Variants in CLSTN2 observed in about 807,000 individuals in gnomAD.
CLSTN2 encodes calsyntenin-2.
CLSTN2 carries 48 observed loss-of-function variants against 101.2 expected under a neutral mutation model. That is an observed-to-expected ratio of 0.47 (90% CI 0.38 to 0.60). The LOEUF (loss-of-function observed/expected upper bound fraction) is 0.60, where lower values mean the gene tolerates loss of function less well. Ranked by LOEUF, CLSTN2 falls within the 20% of genes least tolerant of loss-of-function variation. The pLI, the probability that CLSTN2 is intolerant of heterozygous loss-of-function variation, is 0.00. For missense variants in CLSTN2, 1,160 were observed against 1,238.2 expected, an observed-to-expected ratio of 0.94 and a Z score of 0.95; for synonymous variants, 481 against 463.6, an observed-to-expected ratio of 1.04 and a Z score of -0.48.
At chr3:140,396,245 T>C (rs1228425918) in intron 2 of CLSTN2, among the ~76,000 whole-genome samples, 1 of 152,164 alleles carries the variant, frequency 6.6e-6, no homozygotes, top group East Asian at 1.9e-4. Flanking sequence ...TCGATGAGAT[T>C]ATGAAAATGT....
intron 4 of CLSTN2, among the ~76,000 whole-genome samples, chr3:140,412,684 A>G (rs1245290303): frequency 6.6e-6 from 1 of 152,234 alleles, no homozygotes; most frequent in African/African-American, 2.4e-5. Flanking sequence ...GATTTAAATC[A>G]TATAAAATTT....
At chr3:140,195,861 C>T (rs1479647445) in intron 2 of CLSTN2, among the ~76,000 whole-genome samples, 1 of 152,110 alleles carries the variant, frequency 6.6e-6, no homozygotes, top group Non-Finnish European at 1.5e-5. Context: ...TTTTCCTATC[C>T]CACATTCATT....
chr3:140,524,820 A>C (rs1216574488), intron 8 of CLSTN2, among the ~76,000 whole-genome samples: 2 of 152,224 alleles, frequency 1.3e-5, no homozygotes, highest in East Asian at 3.8e-4. Flanking sequence ...AAACATGGAA[A>C]TTAAACAACT....
At chr3:140,145,141 C>T (rs190182707) in intron 1 of CLSTN2, among the ~76,000 whole-genome samples, 1 of 152,330 alleles carries the variant, frequency 6.6e-6, no homozygotes, top group African/African-American at 2.4e-5. Flanking sequence ...AGCACAACAC[C>T]TGACCTATGG....
chr3:140,478,849 A>C (rs544571249), intron 8 of CLSTN2, among the ~76,000 whole-genome samples: 1 of 140,524 alleles, frequency 7.1e-6, no homozygotes, highest in African/African-American at 2.6e-5. Context: ...AGAGAGGAAG[A>C]AAGGAAGGAA....
chr3:140,420,856 A>G (rs535943213), intron 4 of CLSTN2, among the ~76,000 whole-genome samples: 3 of 152,124 alleles, frequency 2.0e-5, no homozygotes, highest in East Asian at 1.9e-4. Flanking sequence ...AACACAAGCC[A>G]GCTGGATTCC....
At chr3:140,089,971 C>CTT (rs58418539) in intron 1 of CLSTN2, among the ~76,000 whole-genome samples, 517 of 49,672 alleles carry the variant, frequency 0.01, 77 homozygotes, top group Non-Finnish European at 0.016. Flanking sequence ...CTAGGATTGG[C>CTT]TTTTTTTTTT....
At chr3:140,351,138 T>C (rs1193810196) in intron 2 of CLSTN2, among the ~76,000 whole-genome samples, 1 of 152,002 alleles carries the variant, frequency 6.6e-6, no homozygotes, top group Non-Finnish European at 1.5e-5. Flanking sequence ...AGTATTGAAG[T>C]GTGATTTAAA....
intron 1 of CLSTN2, among the ~76,000 whole-genome samples, chr3:140,108,243 C>G (rs897261491): frequency 1.3e-5 from 2 of 152,290 alleles, no homozygotes; most frequent in Admixed American, 6.5e-5. Flanking sequence ...ACTTGCATGG[C>G]TGAAATTGAA....
At chr3:140,365,588 G>A (rs553517312) in intron 2 of CLSTN2, among the ~76,000 whole-genome samples, 5 of 152,030 alleles carry the variant, frequency 3.3e-5, no homozygotes, top group Admixed American at 1.3e-4. Context: ...TGTGATCATC[G>A]GGGAAACTAA....
intron 1 of CLSTN2, among the ~76,000 whole-genome samples, chr3:140,028,385 A>C (rs527368750): frequency 7.2e-5 from 11 of 152,176 alleles, no homozygotes; most frequent in African/African-American, 1.4e-4. Flanking sequence ...CTGTCCCTTC[A>C]CAGATACTCC....
intron 2 of CLSTN2, among the ~76,000 whole-genome samples, chr3:140,240,174 C>CTCTCTCTCTCTCTCTCTATATATA: frequency 7.5e-5 from 1 of 13,354 alleles, no homozygotes; most frequent in South Asian, 4.4e-3. Flanking sequence ...CTCTCTCTCT[C>CTCTCTCTCTCTCTCTCTATATATA]TATATATATA....
At chr3:140,476,308 C>G (rs1486267592) in intron 8 of CLSTN2, among the ~76,000 whole-genome samples, 1 of 152,176 alleles carries the variant, frequency 6.6e-6, no homozygotes, top group African/African-American at 2.4e-5. Flanking sequence ...GAACTTGGAA[C>G]CAGCATTTTT....
chr3:140,482,648 A>C (rs1934145909), intron 8 of CLSTN2, among the ~76,000 whole-genome samples: 1 of 152,144 alleles, frequency 6.6e-6, no homozygotes, highest in Admixed American at 6.5e-5. Flanking sequence ...CAGAGATTCA[A>C]ATTCTTCCTG....
chr3:140,487,760 T>C (rs1934268465), intron 8 of CLSTN2, among the ~76,000 whole-genome samples: 1 of 152,238 alleles, frequency 6.6e-6, no homozygotes, highest in Admixed American at 6.5e-5. Context: ...AGCTTAGTAA[T>C]AGCCCTGTCA....
At chr3:140,023,642 C>A (rs2007362211) in intron 1 of CLSTN2, among the ~76,000 whole-genome samples, 1 of 152,196 alleles carries the variant, frequency 6.6e-6, no homozygotes, top group South Asian at 2.1e-4. Context: ...CCCCAGCACA[C>A]TGGGGCACCT....
At chr3:139,960,854 C>T (rs180684144) in intron 1 of CLSTN2, among the ~76,000 whole-genome samples, 18 of 152,198 alleles carry the variant, frequency 1.2e-4, no homozygotes, top group East Asian at 7.7e-4. Flanking sequence ...CAAAGACTCT[C>T]GTGAAACACA....
At chr3:140,153,737 G>A (rs897763891) in intron 1 of CLSTN2, among the ~76,000 whole-genome samples, 2 of 152,218 alleles carry the variant, frequency 1.3e-5, no homozygotes, top group African/African-American at 4.8e-5. Context: ...GGGAATGTCT[G>A]AGCTTGCTCC....
At chr3:140,012,109 C>G (rs1396808016) in intron 1 of CLSTN2, among the ~76,000 whole-genome samples, 1 of 152,058 alleles carries the variant, frequency 6.6e-6, no homozygotes, top group South Asian at 2.1e-4. Flanking sequence ...GGAGGGTGCT[C>G]TCTATGGTCC....
Sources: gnomAD v4.1 joint callset for allele counts (sites outside exome capture counted in the v4.1 genomes callset) on GRCh38, gnomAD v4.1.1 for gene constraint, MANE v1.5 for transcripts, NCBI Gene and HGNC (gene_info 2026-07-23, HGNC 2026-07-21) for gene names.